Variants in OR1J2 observed in about 807,000 individuals in gnomAD.
OR1J2 encodes olfactory receptor family 1 subfamily J member 2.
For missense variants in OR1J2, 304 were observed against 246.1 expected (o/e 1.24, Z -1.57); for synonymous variants, 142 against 99.7 (o/e 1.42, Z -2.52).
the OR1J2 span, among the ~76,000 whole-genome samples, chr9:122,452,729 G>C: frequency 6.6e-6 from 1 of 151,824 alleles, no homozygotes; most frequent in Non-Finnish European, 1.5e-5. Flanking sequence ...GAATTTGGTT[G>C]TTTAAAAATT....
At chr9:122,552,757 T>A in the OR1J2 span, among the ~76,000 whole-genome samples, 1 of 75,408 alleles carries the variant, frequency 1.3e-5, no homozygotes, top group East Asian at 2.6e-4. Flanking sequence ...TGAGTGTGTG[T>A]GTGTGTGTGT....
chr9:122,553,369 G>A, the OR1J2 span: 15 of 1,613,896 alleles, frequency 9.3e-6, no homozygotes, highest in Non-Finnish European at 1.3e-5. Context: ...CTGGCCATCA[G>A]CTCTGACCCA....
At chr9:122,558,065 T>C in the OR1J2 span, among the ~76,000 whole-genome samples, 3 of 151,910 alleles carry the variant, frequency 2.0e-5, no homozygotes, top group Non-Finnish European at 4.4e-5. Flanking sequence ...TTTTATTCAT[T>C]TCTGATATTA....
At chr9:122,494,307 G>A in the OR1J2 span, among the ~76,000 whole-genome samples, 1 of 152,084 alleles carries the variant, frequency 6.6e-6, no homozygotes, top group Non-Finnish European at 1.5e-5. Context: ...TTGTTGTGTT[G>A]CCATCTATGT....
At chr9:122,494,934 C>T in the OR1J2 span, among the ~76,000 whole-genome samples, 1 of 152,140 alleles carries the variant, frequency 6.6e-6, no homozygotes, top group African/African-American at 2.4e-5. Flanking sequence ...ATCTTTCTTT[C>T]ATTTATGAAG....
chr9:122,475,728 C>A, the OR1J2 span: 1 of 152,300 alleles, frequency 6.6e-6, no homozygotes, highest in East Asian at 1.9e-4. Context: ...AATTTAACAT[C>A]CTGACACACA....
At chr9:122,504,422 T>C in the OR1J2 span, among the ~76,000 whole-genome samples, 1 of 152,204 alleles carries the variant, frequency 6.6e-6, no homozygotes, top group Non-Finnish European at 1.5e-5. Context: ...CTTATCTTGT[T>C]CTAGAGCTTA....
the OR1J2 span, chr9:122,553,584 C>G: frequency 6.2e-7 from 1 of 1,614,010 alleles, no homozygotes; most frequent in Non-Finnish European, 8.5e-7. Flanking sequence ...GGCATATGAC[C>G]GCTATGTGGC....
At chr9:122,493,917 T>G in the OR1J2 span, among the ~76,000 whole-genome samples, 1 of 151,916 alleles carries the variant, frequency 6.6e-6, no homozygotes, top group Non-Finnish European at 1.5e-5. Context: ...GTTCAAAGAA[T>G]TTTTAAAATT....
At chr9:122,491,348 C>T in the OR1J2 span, among the ~76,000 whole-genome samples, 1 of 151,178 alleles carries the variant, frequency 6.6e-6, no homozygotes, top group Non-Finnish European at 1.5e-5. Context: ...CATGGACTGT[C>T]AACATAGAGG....
chr9:122,489,890 TA>T, the OR1J2 span, among the ~76,000 whole-genome samples: 3 of 152,094 alleles, frequency 2.0e-5, no homozygotes, highest in Non-Finnish European at 4.4e-5. Context: ...ACGCAATTAA[TA>T]AAAACCACAC....
the OR1J2 span, among the ~76,000 whole-genome samples, chr9:122,548,829 T>C: frequency 2.1e-5 from 3 of 145,108 alleles, no homozygotes; most frequent in African/African-American, 7.7e-5. Context: ...TTGTTGTTGT[T>C]GTTGAGCTGT....
chr9:122,452,455 G>A, the OR1J2 span, among the ~76,000 whole-genome samples: 1 of 152,174 alleles, frequency 6.6e-6, no homozygotes, highest in Non-Finnish European at 1.5e-5. Flanking sequence ...GCTTGAGCCT[G>A]CAGCACAACT....
chr9:122,491,005 T>C, the OR1J2 span, among the ~76,000 whole-genome samples: 1 of 152,192 alleles, frequency 6.6e-6, no homozygotes, highest in Non-Finnish European at 1.5e-5. Flanking sequence ...GACAGTCATT[T>C]AGGTAAGAGA....
chr9:122,554,242 T>C, the OR1J2 span: 30 of 1,097,374 alleles, frequency 2.7e-5, no homozygotes, highest in Non-Finnish European at 3.4e-5. Flanking sequence ...ACTACTGTCA[T>C]GTTGATATTA....
chr9:122,477,974 G>T, the OR1J2 span: 4 of 1,313,960 alleles, frequency 3.0e-6, no homozygotes, highest in Non-Finnish European at 4.2e-6. Context: ...GAAAAAAATG[G>T]TATGTCTTGG....
the OR1J2 span, chr9:122,477,842 C>T: frequency 7.9e-5 from 128 of 1,613,750 alleles, no homozygotes; most frequent in Non-Finnish European, 9.9e-5. Flanking sequence ...AGGAACAGGG[C>T]GAAGAACACG....
At chr9:122,467,930 A>C in the OR1J2 span, among the ~76,000 whole-genome samples, 1 of 152,238 alleles carries the variant, frequency 6.6e-6, no homozygotes, top group Admixed American at 6.5e-5. Flanking sequence ...TCATTATTCC[A>C]GGGGATCAAG....
chr9:122,518,600 G>A, the OR1J2 span, among the ~76,000 whole-genome samples: 1 of 152,108 alleles, frequency 6.6e-6, no homozygotes, highest in Non-Finnish European at 1.5e-5. Flanking sequence ...CTTTTTTTAT[G>A]GCAGTGATAT....
Sources: gnomAD v4.1 joint callset for allele counts (sites outside exome capture counted in the v4.1 genomes callset) on GRCh38, gnomAD v4.1.1 for gene constraint, MANE v1.5 for transcripts, NCBI Gene and HGNC (gene_info 2026-07-23, HGNC 2026-07-21) for gene names.